AGAP1: variants seen among roughly 807,000 people sequenced by gnomAD.
The protein encoded by AGAP1 is ArfGAP with GTPase domain, ankyrin repeat and PH domain 1, also known as arf-GAP with GTPase, ANK repeat and PH domain-containing protein 1.
AGAP1 carries 29 observed loss-of-function variants against 105.3 expected under a neutral mutation model. The ratio of observed to expected loss-of-function variants is 0.28; its 90% CI spans 0.21 to 0.38. AGAP1 has a LOEUF of 0.38. AGAP1 is among the 10% of genes least tolerant of loss of function. The probability of loss-of-function intolerance (pLI) is 1.00; values close to 1 mark genes in which losing one functional copy is unlikely to be tolerated. For synonymous variants in AGAP1, 509 were observed against 485.9 expected (o/e 1.05, Z -0.63); for missense variants, 998 against 1,165.1 (o/e 0.86, Z 2.09).
intron 3 of AGAP1, chr2:235,718,444 G>C (rs914193393): frequency 1.0e-6 from 1 of 963,548 alleles, no homozygotes; most frequent in African/African-American, 1.8e-5. Context: ...GGAGAGAGAG[G>C]AAAGGCACCA....
chr2:235,866,321 G>C lies in AGAP1; in HGVS notation c.1051-17024G>C, dbSNP rs1163967257. Among the ~76,000 whole-genome samples the C allele has an allele frequency of 1.3e-5, 2 of 152,172 alleles. No individual in the cohort carries two copies. Among genetic ancestry groups the C allele is most frequent in the Non-Finnish European group, 2.9e-5 (2 of 68,030 alleles). On this transcript the variant is annotated intron_variant, in intron 9 of 17. Transcript: ENST00000304032. This position sits in a 1 kb window ranked among gnomAD's most constrained non-coding sequence, Gnocchi z 6.1. ...CGACTCAGACAGTCCTGACTCCCCA[G>C]AATTCCCACCGAGGGAGACAATCCG...
chr2:235,952,017 G>A (rs78713657), intron 12 of AGAP1, among the ~76,000 whole-genome samples: 2,526 of 152,234 alleles, frequency 0.017, 77 homozygotes, highest in African/African-American at 0.058. Flanking sequence ...TTGTTTAATA[G>A]TGTAGTCAAA....
rs558938075 is a variant in AGAP1, at chr2:235,738,682, C to T, written c.311-2281C>T. 9.9e-5 allele frequency among the ~76,000 whole-genome samples: 15 copies of T among 151,888 alleles called. No individual in the cohort carries two copies. The South Asian group carries it at 2.1e-3, about 21-fold the overall frequency. Reference sequence around the variant, plus strand: ...AAGCAATTCTCCTGTCTCAGCCTCCCGAGTAGCTGGGATTACAGGCCCCCA... The same window carrying T: ...AAGCAATTCTCCTGTCTCAGCCTCCTGAGTAGCTGGGATTACAGGCCCCCA... On this transcript the variant is annotated intron_variant, in intron 3 of 17. Transcript: ENST00000304032.
Position 236,124,083 on chromosome 2 carries a change from C to G in AGAP1, c.2535C>G (p.Asn845Lys). ...ATPNLSRRNN[N>K]RNNSSGRVPT... ...CTAACCTGTCCAGGAGAAACAATAACCGGAACAACAGCAGTGGGAGGGTGC... is the reference window on the plus strand; with the variant it reads ...CTAACCTGTCCAGGAGAAACAATAAGCGGAACAACAGCAGTGGGAGGGTGC... The change falls in exon 18 of 18, where the codon AAC becomes AAG. Residue 845 changes from asparagine to lysine, a missense_variant. Transcript: ENST00000304032. This position sits in a 1 kb window ranked among gnomAD's most constrained non-coding sequence, Gnocchi z 5.1. 6.2e-7 allele frequency: 1 copy of G among 1,614,128 alleles called. No homozygotes were observed.
At chr2:236,103,571 T>TC (rs777749772) in intron 16 of AGAP1, among the ~76,000 whole-genome samples, 3 of 151,932 alleles carry the variant, frequency 2.0e-5, no homozygotes, top group Non-Finnish European at 4.4e-5. Context: ...TTTCTTTTCT[T>TC]CTTTTTTTTC....
rs1953459436 is a variant in AGAP1, at chr2:235,751,739, A to G, written c.673+1251A>G. ...CTCTTCCCGCGCATCTCTGCCTCTC[A>G]GATACTTACCTGTTTTTCAGCACGT... On this transcript the variant is annotated intron_variant, in intron 6 of 17. Transcript: ENST00000304032. This position sits in a 1 kb window ranked among gnomAD's most constrained non-coding sequence, Gnocchi z 5.3. Among the ~76,000 whole-genome samples, 1 of 152,152 alleles carries G rather than the reference A, an allele frequency of 6.6e-6. No homozygotes were observed. The highest frequency in any genetic ancestry group is 2.4e-5 in the African/African-American group (1 of 41,428).
At position 235,798,468 on chromosome 2, in the gene AGAP1, A is replaced by T. The variant is rs930254269; in HGVS notation, c.801+582A>T. ...ATTACGTTTCTTGGGCAGGTATTCTATTGGCACTGTTTTTTTAAGGACATG... is the reference window on the plus strand; with the variant it reads ...ATTACGTTTCTTGGGCAGGTATTCTTTTGGCACTGTTTTTTTAAGGACATG... On this transcript the variant is annotated intron_variant, in intron 7 of 17. Coordinates refer to ENST00000304032, the MANE Select transcript of AGAP1 (RefSeq NM_001037131.3). Among the ~76,000 whole-genome samples, 6 of 152,022 alleles carry T rather than the reference A, an allele frequency of 3.9e-5. No homozygotes were observed. The East Asian group carries it at 9.6e-4, about 24-fold the overall frequency.
At chr2:236,059,086 G>A (rs1288924543) in intron 16 of AGAP1, among the ~76,000 whole-genome samples, 40 of 151,988 alleles carry the variant, frequency 2.6e-4, no homozygotes, top group Admixed American at 2.6e-3. Context: ...CAATGTTTTG[G>A]GAGGCTGAGG....
intron 1 of AGAP1, among the ~76,000 whole-genome samples, chr2:235,523,041 A>G (rs1942684984): frequency 6.6e-6 from 1 of 152,106 alleles, no homozygotes; most frequent in Non-Finnish European, 1.5e-5. Flanking sequence ...TTGGGAGTCC[A>G]AGATGAGGGA....
At position 236,002,417 on chromosome 2, in the gene AGAP1, G is replaced by A. The variant is rs1018276977; in HGVS notation, c.1645+33794G>A. On this transcript the variant is annotated intron_variant, in intron 13 of 17. Coordinates refer to ENST00000304032, the MANE Select transcript of AGAP1 (RefSeq NM_001037131.3). This position sits in a 1 kb window ranked among gnomAD's most constrained non-coding sequence, Gnocchi z 4.3. ...CTCTCTTCCAAGTATCTGATTGCACGCATGTGCACATGTGTGAGTAGGGGA... is the reference window on the plus strand; with the variant it reads ...CTCTCTTCCAAGTATCTGATTGCACACATGTGCACATGTGTGAGTAGGGGA... 3.9e-5 allele frequency among the ~76,000 whole-genome samples: 6 copies of A among 152,244 alleles called. No individual in the cohort carries two copies. Among genetic ancestry groups the A allele is most frequent in the Non-Finnish European group, 2.9e-5 (2 of 68,024 alleles).
At chr2:235,707,889 G>C (rs1950633501) in intron 1 of AGAP1, among the ~76,000 whole-genome samples, 1 of 151,188 alleles carries the variant, frequency 6.6e-6, no homozygotes, top group African/African-American at 2.4e-5. Flanking sequence ...ATGTGACCTG[G>C]TGAGATGCAC....
chr2:235,620,375 AGT>A lies in AGAP1; in HGVS notation c.164-88800_164-88799del, dbSNP rs1289077765. Among the ~76,000 whole-genome samples the A allele has an allele frequency of 6.6e-6, 1 of 152,130 alleles. No individual in the cohort carries two copies. The highest frequency in any genetic ancestry group is 1.5e-5 in the Non-Finnish European group (1 of 68,030). ...GGGCATCCCTGAGAAGCCGGGTCAG[AGT>A]GTGATGCCCTCTGCCAAAACCTCCT... is the stretch of plus-strand genomic sequence containing the variant. On this transcript the variant is annotated intron_variant, in intron 1 of 17. Transcript: ENST00000304032. The surrounding 1 kb of genome is among the most constrained non-coding windows in gnomAD (Gnocchi z 4.5).
intron 6 of AGAP1, among the ~76,000 whole-genome samples, chr2:235,756,182 C>A (rs1229791973): frequency 6.6e-6 from 1 of 152,182 alleles, no homozygotes; most frequent in Non-Finnish European, 1.5e-5. Context: ...CTTTGAGTTT[C>A]TCGTCTTCCT....
intron 10 of AGAP1, among the ~76,000 whole-genome samples, chr2:235,885,354 A>G (rs1168371594): frequency 6.6e-6 from 1 of 152,230 alleles, no homozygotes; most frequent in Non-Finnish European, 1.5e-5. Context: ...CGGTATCTGA[A>G]AAATGAACCT....
At chr2:236,110,807 C>T (rs1207200217) in intron 16 of AGAP1, among the ~76,000 whole-genome samples, 2 of 151,518 alleles carry the variant, frequency 1.3e-5, no homozygotes, top group African/African-American at 4.9e-5. Context: ...TCTTAGTCCT[C>T]TGGGGCTGCT....
At chr2:235,540,148 CTTTTTTTTTTT>C (rs535395155) in intron 1 of AGAP1, among the ~76,000 whole-genome samples, 1 of 129,112 alleles carries the variant, frequency 7.7e-6, no homozygotes, top group East Asian at 2.2e-4. Flanking sequence ...CCTCTCTCCT[CTTTTTTTTTTT>C]TTTTTTTTTG....
At chr2:235,915,401 G>A (rs549515479) in intron 11 of AGAP1, among the ~76,000 whole-genome samples, 9 of 152,312 alleles carry the variant, frequency 5.9e-5, no homozygotes, top group East Asian at 3.9e-4. Context: ...TTGGCCCAGC[G>A]CAGTGGCTCA....
chr2:235,681,064 A>G (rs1382861583), intron 1 of AGAP1, among the ~76,000 whole-genome samples: 1 of 151,810 alleles, frequency 6.6e-6, no homozygotes, highest in Non-Finnish European at 1.5e-5. Flanking sequence ...GCTGGAGTGC[A>G]GTGGCGCCAT....
intron 1 of AGAP1, among the ~76,000 whole-genome samples, chr2:235,597,500 C>A (rs78699410): frequency 0.02 from 3,114 of 152,300 alleles, 112 homozygotes; most frequent in African/African-American, 0.07. Flanking sequence ...GACTAGTTGA[C>A]CCTAAGGGGT....
Sources: gnomAD v4.1 joint callset for allele counts (sites outside exome capture counted in the v4.1 genomes callset) on GRCh38, gnomAD v4.1.1 for gene constraint, Gnocchi (gnomAD v3.1) non-coding constraint, MANE v1.5 for transcripts, NCBI Gene and HGNC (gene_info 2026-07-23, HGNC 2026-07-21) for gene names.